Variants in RORA observed in about 807,000 individuals in gnomAD.
The protein encoded by RORA is nuclear receptor ROR-alpha.
RORA carries 7 observed loss-of-function variants against 69.5 expected under a neutral mutation model. The observed-to-expected ratio is 0.10, with a 90% confidence interval of 0.06 to 0.19. RORA has a LOEUF of 0.19. RORA is among the 10% of genes least tolerant of loss of function. The pLI is 1.00. For missense variants in RORA, 457 were observed against 663.0 expected (o/e 0.69, Z 3.41); for synonymous variants, 261 against 240.8 (o/e 1.08, Z -0.78).
chr15:61,042,390 CACACAT>C (rs1391899956), intron 1 of RORA, among the ~76,000 whole-genome samples: 49 of 152,188 alleles, frequency 3.2e-4, no homozygotes, highest in African/African-American at 1.1e-3. Context: ...TACACACACA[CACACAT>C]ACACACAAAC....
intron 1 of RORA, among the ~76,000 whole-genome samples, chr15:60,890,796 G>C (rs2073805211): frequency 6.6e-6 from 1 of 152,224 alleles, no homozygotes; most frequent in Admixed American, 6.5e-5. Context: ...GAGACTTTAA[G>C]TTCAAGGCAG....
intron 1 of RORA, among the ~76,000 whole-genome samples, chr15:61,084,768 T>A (rs1381506588): frequency 2.0e-5 from 3 of 151,752 alleles, no homozygotes; most frequent in Non-Finnish European, 2.9e-5. Context: ...AGGAAACAGA[T>A]CATTCTGGAA....
At chr15:61,017,121 A>G (rs1209226135) in intron 1 of RORA, among the ~76,000 whole-genome samples, 1 of 152,222 alleles carries the variant, frequency 6.6e-6, no homozygotes, top group East Asian at 1.9e-4. Flanking sequence ...TATATCACAT[A>G]AAGCAGGCTC....
chr15:60,548,654 T>G (rs1273384291), intron 2 of RORA, among the ~76,000 whole-genome samples: 4 of 152,196 alleles, frequency 2.6e-5, no homozygotes, highest in Non-Finnish European at 5.9e-5. Flanking sequence ...ATTTATTTAT[T>G]TGAGACAGAG....
At chr15:60,895,787 A>C (rs72752713) in intron 1 of RORA, among the ~76,000 whole-genome samples, 4,230 of 152,280 alleles carry the variant, frequency 0.028, 63 homozygotes, top group Middle Eastern at 0.054. Context: ...CAATTAGTAT[A>C]AGCTAGGGCT....
chr15:61,153,817 T>C (rs991286834), intron 1 of RORA, among the ~76,000 whole-genome samples: 1 of 152,140 alleles, frequency 6.6e-6, no homozygotes, highest in Non-Finnish European at 1.5e-5. Flanking sequence ...AGGAGCAAAG[T>C]TGTTATGCAA....
intron 2 of RORA, among the ~76,000 whole-genome samples, chr15:60,595,104 A>G (rs1413904559): frequency 2.0e-5 from 3 of 148,676 alleles, no homozygotes; most frequent in African/African-American, 7.3e-5. Flanking sequence ...CAAATCAGTC[A>G]GGAGTAAAAG....
intron 1 of RORA, among the ~76,000 whole-genome samples, chr15:61,069,620 C>T (rs1012810311): frequency 1.3e-5 from 2 of 151,800 alleles, no homozygotes; most frequent in African/African-American, 4.8e-5. Flanking sequence ...CCCACGGACC[C>T]AGTTCATAAC....
At chr15:60,830,173 T>TA (rs1488135896) in intron 1 of RORA, among the ~76,000 whole-genome samples, 1 of 152,182 alleles carries the variant, frequency 6.6e-6, no homozygotes, top group African/African-American at 2.4e-5. Flanking sequence ...TTTTTAAAAA[T>TA]AAAAAACTTT....
intron 1 of RORA, among the ~76,000 whole-genome samples, chr15:61,099,475 A>G (rs552504095): frequency 6.6e-6 from 1 of 152,344 alleles, no homozygotes; most frequent in East Asian, 1.9e-4. Flanking sequence ...ATAAATCAGG[A>G]AAGATACAAG....
chr15:60,585,101 GC>G (rs2068294768), intron 2 of RORA, among the ~76,000 whole-genome samples: 1 of 152,080 alleles, frequency 6.6e-6, no homozygotes, highest in Non-Finnish European at 1.5e-5. Context: ...GACTTCTTCA[GC>G]AATGCAAAAT....
At chr15:60,576,787 A>G (rs765216829) in intron 2 of RORA, among the ~76,000 whole-genome samples, 1 of 152,212 alleles carries the variant, frequency 6.6e-6, no homozygotes, top group Non-Finnish European at 1.5e-5. Flanking sequence ...AGGGCTTTCC[A>G]TCTCTACACA....
chr15:60,998,922 C>T (rs978345575), intron 1 of RORA, among the ~76,000 whole-genome samples: 1 of 152,176 alleles, frequency 6.6e-6, no homozygotes, highest in Non-Finnish European at 1.5e-5. Flanking sequence ...CAGATCAGGG[C>T]TATCTCCGCT....
intron 1 of RORA, among the ~76,000 whole-genome samples, chr15:61,203,488 A>G (rs2079912979): frequency 6.6e-6 from 1 of 152,244 alleles, no homozygotes; most frequent in Non-Finnish European, 1.5e-5. Flanking sequence ...CAGAGTAGAT[A>G]GAATGAGTGA....
intron 1 of RORA, among the ~76,000 whole-genome samples, chr15:61,067,826 G>A (rs1039446376): frequency 6.6e-6 from 1 of 152,188 alleles, no homozygotes; most frequent in East Asian, 1.9e-4. Flanking sequence ...CTACATAAAA[G>A]ATACTAAATG....
intron 1 of RORA, among the ~76,000 whole-genome samples, chr15:60,819,759 A>ACACACACACACACACGCG (rs1567202035): frequency 7.5e-6 from 1 of 132,798 alleles, no homozygotes; most frequent in African/African-American, 2.8e-5. Flanking sequence ...ACACACACAC[A>ACACACACACACACACGCG]CACACACACA....
At chr15:61,006,101 T>C (rs1169496720) in intron 1 of RORA, among the ~76,000 whole-genome samples, 1 of 152,108 alleles carries the variant, frequency 6.6e-6, no homozygotes, top group Non-Finnish European at 1.5e-5. Flanking sequence ...CCCGAGTAGC[T>C]GGGATTACAG....
rs1892866418 is a variant in RORA, at chr15:60,946,215, A to G, written c.167-267529T>C. On this transcript the variant is annotated intron_variant, in intron 1 of 10. Coordinates refer to ENST00000335670, the MANE Select transcript of RORA (RefSeq NM_134261.3). ...AGCAGCTGCAATTGCATGGATGAAT[A>G]AAACCAAAATGACTCCGACTCCCTC... 2.0e-5 allele frequency among the ~76,000 whole-genome samples: 3 copies of G among 150,312 alleles called. No individual in the cohort carries two copies. In the South Asian group the frequency reaches 6.5e-4, roughly 32 times the overall value.
intron 1 of RORA, among the ~76,000 whole-genome samples, chr15:60,923,837 G>A (rs1252526671): frequency 6.6e-6 from 1 of 152,080 alleles, no homozygotes; most frequent in Non-Finnish European, 1.5e-5. Context: ...CTCACCATAG[G>A]GCTTGCCATG....
Sources: gnomAD v4.1 joint callset for allele counts (sites outside exome capture counted in the v4.1 genomes callset) on GRCh38, gnomAD v4.1.1 for gene constraint, MANE v1.5 for transcripts, NCBI Gene and HGNC (gene_info 2026-07-23, HGNC 2026-07-21) for gene names.